The following TTYH3 variants were observed in gnomAD, a reference collection of about 807,000 sequenced individuals.
The protein encoded by TTYH3 is protein tweety homolog 3.
A neutral mutation model predicts 68.2 loss-of-function variants in TTYH3; 23 were observed. The ratio of observed to expected loss-of-function variants is 0.34; its 90% confidence interval spans 0.24 to 0.48. The LOEUF (loss-of-function observed/expected upper bound fraction) is 0.48, where lower values mean the gene tolerates loss of function less well. TTYH3 is among the 20% of genes least tolerant of loss of function. The pLI is 0.99. For missense variants in TTYH3, 768 were observed against 727.7 expected, an observed-to-expected ratio of 1.06 and a Z score of -0.64; for synonymous variants, 360 against 332.8, an observed-to-expected ratio of 1.08 and a Z score of -0.89.
rs1401715248 is a variant in TTYH3 at position 2,645,775 on chromosome 7, C to T, written c.124-1078C>T. 4.2e-6 allele frequency: 2 copies of T among 470,944 alleles called. No homozygotes were observed. Among genetic ancestry groups the T allele is most frequent in the Non-Finnish European group, 8.8e-6 (2 of 227,020 alleles). The allele number at this position is 470,944 out of a possible 1,614,324, so 29.2% of individuals were successfully genotyped here. A position where few individuals can be genotyped will look rare whatever the true frequency, so the allele number is the denominator to read the frequency against. On this transcript the variant is annotated intron_variant, in intron 1 of 13. Coordinates refer to ENST00000258796, the MANE Select transcript of TTYH3 (RefSeq NM_025250.3). This position sits in a 1 kb window ranked among gnomAD's most constrained non-coding sequence, Gnocchi z 4.8. The stretch of plus-strand genomic sequence containing the variant: ...CTCTTCCATGTTCACCCCTCAGAAA[C>T]ACTTTCATGGTCAGCAAGAGGGGGT...
intron 9 of TTYH3, 52 bp downstream of exon 9, chr7:2,653,062 G>C: frequency 6.7e-7 from 1 of 1,499,662 alleles, no homozygotes; most frequent in Non-Finnish European, 9.1e-7. Context: ...TCTTTTCTCA[G>C]CATGAAAGGA....
rs748371899 is a variant in TTYH3 at position 2,647,559 on chromosome 7, G to T, written c.547G>T (p.Ala183Ser). The T allele has an allele frequency of 6.4e-7, 1 of 1,561,236 alleles. No homozygotes were observed. The highest frequency in any genetic ancestry group is 1.4e-5 in the African/African-American group (1 of 73,784). Residue 183 changes from alanine to serine, a missense_variant, in exon 4 of 14, where the codon GCC becomes TCC. By Grantham distance (99) the Ala-to-Ser change is moderately conservative. Coordinates refer to ENST00000258796, the MANE Select transcript of TTYH3 (RefSeq NM_025250.3). ...GCTGGAGACGCTGCTGGGCTACACG[G>T]CCGCCATCCCCTTTTGGAGGAACAC... ...GLLETLLGYT[A>S]AIPFWRNTAV...
Position 2,636,263 on chromosome 7 carries a change from CT to C in TTYH3, c.123+3986del, listed in dbSNP as rs113857794. 2.0e-5 allele frequency among the ~76,000 whole-genome samples: 3 copies of C among 152,342 alleles called. 1 individual carries two copies. The highest frequency in any genetic ancestry group is 7.2e-5 in the African/African-American group (3 of 41,570). On this transcript the variant is annotated intron_variant, in intron 1 of 13. Transcript: ENST00000258796. ...CCCACTCATCAGAAGGAAATGAGTT[CT>C]GGTTAAAACGGCAGTGTTGGTCGCC...
rs1376553867 is a variant in TTYH3 at position 2,656,136 on chromosome 7, G to A, written c.1065G>A (p.Val355=). 12 of 1,570,338 alleles carry A rather than the reference G, an allele frequency of 7.6e-6. No homozygotes were observed. Among genetic ancestry groups the A allele is most frequent in the Non-Finnish European group, 9.5e-6 (11 of 1,158,088 alleles). Residue 355 remains valine, a synonymous_variant, in exon 10 of 14, where the codon GTG becomes GTA. Transcript: ENST00000258796. The part of the protein sequence containing the change: ...RVQEVLNGTE[V]NLQHLTALVD... ...AGGAGGTGCTGAATGGCACGGAGGT[G>A]AACCTGCAGCACCTCACCGCCCTGG... is the stretch of plus-strand genomic sequence containing the variant.
chr7:2,652,401 C>T (rs561716591), intron 8 of TTYH3, among the ~76,000 whole-genome samples, 159 bp downstream of exon 8: 8 of 152,304 alleles, frequency 5.3e-5, no homozygotes, highest in Admixed American at 2.0e-4. Context: ...TCACCAACAG[C>T]CCCTGGGGTT....
chr7:2,635,124 A>G (rs1785623514), intron 1 of TTYH3, among the ~76,000 whole-genome samples: 1 of 152,160 alleles, frequency 6.6e-6, no homozygotes, highest in East Asian at 1.9e-4. Flanking sequence ...TTGGAGGCCC[A>G]CAGGAGGCCT....
intron 13 of TTYH3, 118 bp downstream of exon 13, chr7:2,659,133 T>C (rs1007967505): frequency 1.5e-5 from 15 of 1,001,834 alleles, no homozygotes; most frequent in Non-Finnish European, 1.5e-6. Context: ...GGGGCAGCTG[T>C]GAGCTGCCAC....
At chr7:2,657,450 TG>T (rs1786370954) in intron 11 of TTYH3, among the ~76,000 whole-genome samples, 1 of 151,912 alleles carries the variant, frequency 6.6e-6, no homozygotes, top group African/African-American at 2.4e-5. Flanking sequence ...ATGTCATTGT[TG>T]ATGTTGGTGA....
chr7:2,639,737 C>T (rs1411591338), intron 1 of TTYH3, among the ~76,000 whole-genome samples: 2 of 152,222 alleles, frequency 1.3e-5, no homozygotes, highest in Non-Finnish European at 2.9e-5. Context: ...ATGCCGGCAC[C>T]TCTGGTGGGG....
In TTYH3 at chr7:2,649,548, C is replaced by A; in HGVS notation, c.723-19C>A. ...CCCACCCTGGCCTGGGGGCTGCTGA[C>A]TGGCTGTCTCTGCCCCAGGGTCTGC... On this transcript the variant is annotated intron_variant, in intron 5 of 13. Transcript: ENST00000258796. 3 of 1,569,032 alleles carry A rather than the reference C, an allele frequency of 1.9e-6. No individual in the cohort carries two copies. The highest frequency in any genetic ancestry group is 1.7e-6 in the Non-Finnish European group (2 of 1,164,820).
At chr7:2,658,664 T>G (rs1786406572) in intron 12 of TTYH3, among the ~76,000 whole-genome samples, 1 of 152,166 alleles carries the variant, frequency 6.6e-6, no homozygotes, top group Non-Finnish European at 1.5e-5. Context: ...AGGTTCCGTG[T>G]CCAGGGCACA....
At chr7:2,632,362 G>T in intron 1 of TTYH3, 84 bp downstream of exon 1, 1 of 1,350,462 alleles carries the variant, frequency 7.4e-7, no homozygotes, top group Non-Finnish European at 9.7e-7. Context: ...CCCCATCCCC[G>T]AGGGCCTAAA....
In TTYH3 at chr7:2,647,494, G is replaced by A. The variant is rs1277848942; in HGVS notation, c.482G>A (p.Arg161Gln). Reference sequence around the variant, plus strand: ...ACCCTGGAGCGGCAGCTGGCCGGGCGGCCCGAGCCCCTGCGAGCCGTACAG... The same window carrying A: ...ACCCTGGAGCGGCAGCTGGCCGGGCAGCCCGAGCCCCTGCGAGCCGTACAG... ...LQTLERQLAG[R>Q]PEPLRAVQRL... The change falls in exon 4 of 14, where the codon CGG becomes CAG. Residue 161 changes from arginine (R) to glutamine (Q), a missense_variant. Coordinates refer to ENST00000258796, the MANE Select transcript of TTYH3 (RefSeq NM_025250.3). 3.3e-6 allele frequency: 5 copies of A among 1,538,364 alleles called. No individual in the cohort carries two copies. Among genetic ancestry groups the A allele is most frequent in the Non-Finnish European group, 4.4e-6 (5 of 1,144,900 alleles).
intron 1 of TTYH3, 44 bp from the exon 2 acceptor site, chr7:2,646,809 G>C (rs747302566): frequency 6.4e-7 from 1 of 1,563,726 alleles, no homozygotes; most frequent in Non-Finnish European, 8.6e-7. Flanking sequence ...GGGACTCTGA[G>C]CTGGGGGTCC....
Position 2,661,813 on chromosome 7 carries a change from C to G in TTYH3, c.*74C>G. 1 of 1,494,320 alleles carries G rather than the reference C, an allele frequency of 6.7e-7. No individual in the cohort carries two copies. Among genetic ancestry groups the G allele is most frequent in the Non-Finnish European group, 9.1e-7 (1 of 1,102,452 alleles). The allele number at this position is 1,494,320 out of a possible 1,614,324, so 92.6% of individuals were successfully genotyped here. On this transcript the variant is annotated 3_prime_UTR_variant, in exon 14 of 14. Coordinates refer to ENST00000258796, the MANE Select transcript of TTYH3 (RefSeq NM_025250.3). ...GCCAGCACTGCCGCTTCCACCTGGG[C>G]CACCCACCGGACCCTCGCACGCCGT...
Position 2,647,124 on chromosome 7 carries a change from C to T in TTYH3, c.294-18C>T, listed in dbSNP as rs766739337. ...TGTGGGTGGGCGGGGCTACATCTCACGGGCCCGCCCTCTCCAGCGCCGGCA... is the reference window on the plus strand; with the variant it reads ...TGTGGGTGGGCGGGGCTACATCTCATGGGCCCGCCCTCTCCAGCGCCGGCA... On this transcript the variant is annotated intron_variant, in intron 2 of 13. Coordinates refer to ENST00000258796, the MANE Select transcript of TTYH3 (RefSeq NM_025250.3). 3.2e-6 allele frequency: 5 copies of T among 1,581,340 alleles called. No individual in the cohort carries two copies. The African/African-American group carries it at 5.4e-5, about 17-fold the overall frequency.
rs1037642285 is a variant in TTYH3 at position 2,632,054 on chromosome 7, G to C, written c.-102G>C. 4.4e-5 allele frequency: 48 copies of C among 1,084,188 alleles called. 1 individual carries two copies. The Admixed American group carries it at 1.5e-3, about 34-fold the overall frequency. 67.2% of individuals were successfully genotyped at this position (1,084,188 alleles called of 1,614,324 possible). A position where few individuals can be genotyped will look rare whatever the true frequency, so the allele number is the denominator to read the frequency against. On this transcript the variant is annotated 5_prime_UTR_variant, in exon 1 of 14. Transcript: ENST00000258796. ...GGGCCCAGGAGCGCGCGGATGATGC[G>C]GGCGGCCAGGCGGGGGTCGACGGGT...
intron 5 of TTYH3, chr7:2,648,266 C>A: frequency 1.8e-6 from 1 of 553,560 alleles, no homozygotes; most frequent in Admixed American, 3.4e-5. Flanking sequence ...CACACTTGCC[C>A]CCAGCCCTTG....
In TTYH3 at chr7:2,655,150, T is replaced by G. The variant is rs575915214; in HGVS notation, c.1021-942T>G. Among the ~76,000 whole-genome samples the G allele has an allele frequency of 1.0e-3, 155 of 152,062 alleles. 1 individual carries two copies. The highest frequency in any genetic ancestry group is 3.3e-3 in the African/African-American group (137 of 41,478). ...TTATCCCGAAATCCATTTCTTTTTT[T>G]TTGGTGTTGTTTTTGAGATAGGGTC... On this transcript the variant is annotated intron_variant, in intron 9 of 13. Transcript: ENST00000258796.
Sources: gnomAD v4.1 joint callset for allele counts (sites outside exome capture counted in the v4.1 genomes callset) on GRCh38, gnomAD v4.1.1 for gene constraint, Gnocchi (gnomAD v3.1) non-coding constraint, MANE v1.5 for transcripts, NCBI Gene and HGNC (gene_info 2026-07-23, HGNC 2026-07-21) for gene names.